Variants in DTNB observed in about 807,000 individuals in gnomAD.
The protein encoded by DTNB is dystrobrevin beta.
In DTNB, 63 loss-of-function variants were observed where a neutral mutation model predicts 90.7. The ratio of observed to expected loss-of-function variants is 0.69; its 90% CI spans 0.57 to 0.86. The LOEUF is 0.86. Among genes scored for constraint, DTNB ranks in the 40% least tolerant of loss-of-function variants. The probability of loss-of-function intolerance (pLI) is 0.00; values close to 1 mark genes in which losing one functional copy is unlikely to be tolerated. For missense variants in DTNB, 744 were observed against 807.1 expected (o/e 0.92, Z 0.95); for synonymous variants, 277 against 286.7 (o/e 0.97, Z 0.34).
intron 16 of DTNB, 129 bp from the exon 17 acceptor site, chr2:25,388,490 T>A: frequency 7.8e-7 from 1 of 1,286,220 alleles, no homozygotes; most frequent in South Asian, 1.6e-5. Flanking sequence ...AGATCATACT[T>A]GAAAGGAAGG....
chr2:25,470,009 G>A (rs1026370796), intron 10 of DTNB, among the ~76,000 whole-genome samples: 4 of 152,134 alleles, frequency 2.6e-5, no homozygotes, highest in Non-Finnish European at 5.9e-5. Flanking sequence ...AGACCAGATC[G>A]CCCCAAGAAA....
chr2:25,501,003 G>C (rs1046022222), intron 9 of DTNB, among the ~76,000 whole-genome samples: 4 of 152,138 alleles, frequency 2.6e-5, no homozygotes, highest in Non-Finnish European at 5.9e-5. Flanking sequence ...AGAAAACAGA[G>C]CATCCAAAAA....
At chr2:25,629,653 G>GA (rs1474564083) in intron 3 of DTNB, among the ~76,000 whole-genome samples, 1 of 152,144 alleles carries the variant, frequency 6.6e-6, no homozygotes, top group Admixed American at 6.5e-5. Flanking sequence ...GCGGAGCTTG[G>GA]AAAACCATAT....
chr2:25,589,961 C>T (rs2063242786), intron 6 of DTNB, among the ~76,000 whole-genome samples: 1 of 152,226 alleles, frequency 6.6e-6, no homozygotes, highest in African/African-American at 2.4e-5. Context: ...GGTCCGGCCA[C>T]TATGCACAGC....
Position 25,424,147 on chromosome 2 carries a change from T to G in DTNB, c.1554+3388A>C, listed in dbSNP as rs563655637. Among the ~76,000 whole-genome samples the G allele has an allele frequency of 1.0e-3, 159 of 152,334 alleles. No individual in the cohort carries two copies. Among genetic ancestry groups the G allele is most frequent in the African/African-American group, 3.7e-3 (154 of 41,574 alleles). On this transcript the variant is annotated intron_variant, in intron 15 of 20. Coordinates refer to ENST00000406818, the MANE Select transcript of DTNB (RefSeq NM_021907.5). The surrounding 1 kb of genome is among the most constrained non-coding windows in gnomAD (Gnocchi z 4.1). ...GCTGGACACTAAAGGCATGAGATTTTCGACTGTGAATTCTAGCCAATGGAT... is the reference window on the plus strand; with the variant it reads ...GCTGGACACTAAAGGCATGAGATTTGCGACTGTGAATTCTAGCCAATGGAT...
At chr2:25,622,908 A>G (rs1295167814) in intron 4 of DTNB, among the ~76,000 whole-genome samples, 1 of 152,246 alleles carries the variant, frequency 6.6e-6, no homozygotes, top group Non-Finnish European at 1.5e-5. Context: ...TTACATATAG[A>G]AAATATAATA....
At chr2:25,502,501 G>A (rs1202524941) in intron 9 of DTNB, among the ~76,000 whole-genome samples, 1 of 152,050 alleles carries the variant, frequency 6.6e-6, no homozygotes, top group Non-Finnish European at 1.5e-5. Context: ...GGTAGGCTGA[G>A]GCAGGAAGAT....
At chr2:25,541,616 T>C (rs925574361) in intron 8 of DTNB, among the ~76,000 whole-genome samples, 6 of 152,176 alleles carry the variant, frequency 3.9e-5, no homozygotes, top group Non-Finnish European at 7.3e-5. Flanking sequence ...CCGGAAGTAT[T>C]TGAAAAATGC....
intron 3 of DTNB, among the ~76,000 whole-genome samples, chr2:25,633,292 C>A (rs1288533753): frequency 1.3e-5 from 2 of 151,356 alleles, no homozygotes; most frequent in Non-Finnish European, 3.0e-5. Flanking sequence ...GCCTGCCCAG[C>A]GCCTGCCATT....
At chr2:25,409,689 T>A (rs542423826) in intron 16 of DTNB, among the ~76,000 whole-genome samples, 26 of 152,314 alleles carry the variant, frequency 1.7e-4, no homozygotes, top group Non-Finnish European at 3.4e-4. Flanking sequence ...TGTCTTATTG[T>A]CTCACTAACT....
intron 6 of DTNB, among the ~76,000 whole-genome samples, chr2:25,595,461 G>A (rs1247903448): frequency 2.0e-5 from 3 of 151,892 alleles, no homozygotes; most frequent in East Asian, 1.9e-4. Flanking sequence ...TAATCTCTAC[G>A]TTAACAAATG....
rs746915944 is a variant in DTNB, at chr2:25,427,609, G to C, written c.1480C>G (p.Gln494Glu). ...CTCTCCTGCAGGGCCGACATCCTCT[G>C]CTCCAGTTCATCCTTCCTTTGCCTA... The part of the protein sequence containing the change: ...LLRQRKDELE[Q>E]RMSALQESRR... Residue 494 changes from glutamine (Q) to glutamate (E), a missense_variant, in exon 15 of 21, where the codon CAG (glutamine) becomes GAG (glutamate). Coordinates refer to ENST00000406818, the MANE Select transcript of DTNB (RefSeq NM_021907.5). The C allele has an allele frequency of 6.2e-7, 1 of 1,613,402 alleles. No individual in the cohort carries two copies. The highest frequency in any genetic ancestry group is 8.5e-7 in the Non-Finnish European group (1 of 1,179,796).
At chr2:25,583,599 G>A (rs945387394) in intron 6 of DTNB, among the ~76,000 whole-genome samples, 1 of 151,684 alleles carries the variant, frequency 6.6e-6, no homozygotes, top group African/African-American at 2.4e-5. Flanking sequence ...TTGGCTCACT[G>A]CAACCTCCGA....
At chr2:25,379,475 TG>T in intron 19 of DTNB, 152 bp from the exon 20 acceptor site, 2 of 992,238 alleles carry the variant, frequency 2.0e-6, no homozygotes, top group Non-Finnish European at 2.6e-6. Context: ...CACCCAGGTA[TG>T]ACAGCAGGGT....
chr2:25,496,854 A>G (rs1040124472), intron 9 of DTNB, among the ~76,000 whole-genome samples: 12 of 151,886 alleles, frequency 7.9e-5, no homozygotes, highest in African/African-American at 2.9e-4. Flanking sequence ...AAAAAAAAAA[A>G]AAAAAGATAA....
intron 16 of DTNB, among the ~76,000 whole-genome samples, chr2:25,393,248 A>G (rs2041626301): frequency 6.6e-6 from 1 of 152,244 alleles, no homozygotes; most frequent in Non-Finnish European, 1.5e-5. Flanking sequence ...AATAAAAGCC[A>G]TCTATGACAA....
At chr2:25,663,626 A>C (rs2083731120) in intron 1 of DTNB, among the ~76,000 whole-genome samples, 1 of 152,198 alleles carries the variant, frequency 6.6e-6, no homozygotes. Flanking sequence ...GGTGGGGAGC[A>C]CAGTTCTCCA....
At chr2:25,554,357 C>A (rs2056910224) in intron 8 of DTNB, among the ~76,000 whole-genome samples, 1 of 151,962 alleles carries the variant, frequency 6.6e-6, no homozygotes, top group Non-Finnish European at 1.5e-5. Flanking sequence ...ATAGTTTTAA[C>A]CAGCAGTTCA....
chr2:25,451,010 G>A (rs1465046184), intron 12 of DTNB, among the ~76,000 whole-genome samples: 2 of 152,076 alleles, frequency 1.3e-5, no homozygotes, highest in Non-Finnish European at 2.9e-5. Context: ...TCACTATGCT[G>A]CCAGAGGGTG....
Sources: gnomAD v4.1 joint callset for allele counts (sites outside exome capture counted in the v4.1 genomes callset) on GRCh38, gnomAD v4.1.1 for gene constraint, Gnocchi (gnomAD v3.1) non-coding constraint, MANE v1.5 for transcripts, NCBI Gene and HGNC (gene_info 2026-07-23, HGNC 2026-07-21) for gene names.